Variants in GPC5 observed in about 807,000 individuals in gnomAD.
GPC5 encodes glypican 5.
A neutral mutation model predicts 53.9 loss-of-function variants in GPC5; 47 were observed. The observed-to-expected ratio is 0.87, with a 90% confidence interval of 0.69 to 1.11. GPC5 has a LOEUF of 1.11. Among genes scored for constraint, GPC5 ranks in the 50% most tolerant of loss-of-function variants. The pLI is 0.00. For missense variants in GPC5, 748 were observed against 713.1 expected (o/e 1.05, Z -0.56); for synonymous variants, 286 against 263.3 (o/e 1.09, Z -0.84).
chr13:92,739,013 T>C (rs781300584), intron 7 of GPC5, among the ~76,000 whole-genome samples: 5 of 152,124 alleles, frequency 3.3e-5, no homozygotes, highest in South Asian at 4.1e-4. Flanking sequence ...ATGAATATTA[T>C]ATGAATTAAG....
intron 7 of GPC5, among the ~76,000 whole-genome samples, chr13:92,853,152 A>G (rs9516134): frequency 0.2 from 30,170 of 152,148 alleles, 3,680 homozygotes; most frequent in Non-Finnish European, 0.28. Flanking sequence ...AACTTTAAAC[A>G]GAGACTCTAC....
intron 6 of GPC5, among the ~76,000 whole-genome samples, chr13:92,067,956 T>G (rs2041180168): frequency 1.3e-5 from 2 of 151,952 alleles, no homozygotes; most frequent in Admixed American, 1.3e-4. Context: ...TGATTGCAAC[T>G]CTAAAAATAA....
intron 7 of GPC5, among the ~76,000 whole-genome samples, chr13:92,257,282 C>T (rs1224637919): frequency 6.6e-6 from 1 of 151,842 alleles, no homozygotes; most frequent in Admixed American, 6.6e-5. Context: ...TCAAACAAAG[C>T]AAAATAGATT....
chr13:91,506,711 AT>A (rs1203938986), intron 2 of GPC5, among the ~76,000 whole-genome samples: 1 of 106,870 alleles, frequency 9.4e-6, no homozygotes, highest in South Asian at 2.9e-4. Context: ...TGAATAAAAT[AT>A]TTTTAAACAT....
intron 6 of GPC5, among the ~76,000 whole-genome samples, chr13:91,997,144 A>G (rs1212622266): frequency 2.6e-5 from 4 of 152,148 alleles, no homozygotes; most frequent in Non-Finnish European, 5.9e-5. Context: ...GAATTTTTTT[A>G]AAGTAATGGT....
At chr13:91,423,998 G>A (rs972342828) in intron 1 of GPC5, among the ~76,000 whole-genome samples, 1 of 152,188 alleles carries the variant, frequency 6.6e-6, no homozygotes, top group African/African-American at 2.4e-5. Flanking sequence ...GGAATAAAGT[G>A]ACCAGTGACA....
intron 7 of GPC5, among the ~76,000 whole-genome samples, chr13:92,387,286 A>G (rs1013692883): frequency 6.6e-6 from 1 of 151,952 alleles, no homozygotes; most frequent in Non-Finnish European, 1.5e-5. Context: ...ATTTCCCCCA[A>G]CTGTAGGGTA....
At chr13:91,737,685 T>C (rs1434929062) in intron 4 of GPC5, among the ~76,000 whole-genome samples, 1 of 150,952 alleles carries the variant, frequency 6.6e-6, no homozygotes, top group Admixed American at 6.6e-5. Context: ...AATTTTGTTG[T>C]TTAAAATTAT....
chr13:92,624,511 A>G (rs1232080211), intron 7 of GPC5, among the ~76,000 whole-genome samples: 1 of 152,070 alleles, frequency 6.6e-6, no homozygotes, highest in East Asian at 1.9e-4. Context: ...ATATTCTGAG[A>G]TTTTACCCTT....
rs1883252208 is a variant in GPC5 at position 91,480,703 on chromosome 13, A to G, written c.325+31781A>G. On this transcript the variant is annotated intron_variant, in intron 2 of 7. Transcript: ENST00000377067. ...TAGCTTGGACACACCTTATTTCTAA[A>G]GAGCCTGAGCCCTTGATGGTTATAC... 2.0e-5 allele frequency among the ~76,000 whole-genome samples: 3 copies of G among 152,204 alleles called. No homozygotes were observed. In the South Asian group the frequency reaches 6.2e-4, roughly 32 times the overall value.
chr13:91,620,402 A>G (rs1381556686), intron 2 of GPC5, among the ~76,000 whole-genome samples: 1 of 152,128 alleles, frequency 6.6e-6, no homozygotes, highest in Non-Finnish European at 1.5e-5. Context: ...ATGTTAATGT[A>G]AATGTCATGT....
intron 7 of GPC5, among the ~76,000 whole-genome samples, chr13:92,484,302 G>C (rs7336356): frequency 0.018 from 2,793 of 152,230 alleles, 92 homozygotes; most frequent in African/African-American, 0.064. Flanking sequence ...ACTTCTGAAG[G>C]ATCTGTCTGA....
At chr13:91,640,770 G>A (rs925198266) in intron 2 of GPC5, among the ~76,000 whole-genome samples, 8 of 151,200 alleles carry the variant, frequency 5.3e-5, no homozygotes, top group Admixed American at 4.6e-4. Context: ...CTGCACTCCA[G>A]CCTGGGTGAC....
chr13:92,206,238 T>C lies in GPC5; in HGVS notation c.1561+61249T>C, dbSNP rs530678689. 4.1e-5 allele frequency among the ~76,000 whole-genome samples: 6 copies of C among 147,384 alleles called. No homozygotes were observed. In the East Asian group the frequency reaches 1.3e-3, roughly 31 times the overall value. Reference sequence around the variant, plus strand: ...TGGAGTGTAGTGGCGCAATCTCGGCTCACTGCAAGCTCCGCCTCCCGGGTC... The same window carrying C: ...TGGAGTGTAGTGGCGCAATCTCGGCCCACTGCAAGCTCCGCCTCCCGGGTC... On this transcript the variant is annotated intron_variant, in intron 7 of 7. Coordinates refer to ENST00000377067, the MANE Select transcript of GPC5 (RefSeq NM_004466.6).
At chr13:92,031,707 TATATTACATATATGTAATATATTAC>T (rs1566403062) in intron 6 of GPC5, among the ~76,000 whole-genome samples, 4 of 69,434 alleles carry the variant, frequency 5.8e-5, no homozygotes, top group Admixed American at 2.6e-4. Flanking sequence ...ATATATTATA[TATATTACATATATGTAATATATTAC>T]ATATTATATA....
At chr13:91,805,048 A>T (rs2038197838) in intron 5 of GPC5, among the ~76,000 whole-genome samples, 1 of 152,230 alleles carries the variant, frequency 6.6e-6, no homozygotes, top group Admixed American at 6.5e-5. Flanking sequence ...ACATGGCAGA[A>T]CATAACCTTC....
intron 7 of GPC5, among the ~76,000 whole-genome samples, chr13:92,145,964 C>T (rs567062514): frequency 6.6e-6 from 1 of 152,154 alleles, no homozygotes; most frequent in African/African-American, 2.4e-5. Flanking sequence ...AAATCAATTC[C>T]TCATTCCTTC....
At chr13:92,672,586 T>G (rs1886788289) in intron 7 of GPC5, among the ~76,000 whole-genome samples, 1 of 152,186 alleles carries the variant, frequency 6.6e-6, no homozygotes, top group Non-Finnish European at 1.5e-5. Flanking sequence ...TGCATGCATA[T>G]GCTCACTGCA....
At chr13:92,528,149 G>A (rs1005263481) in intron 7 of GPC5, among the ~76,000 whole-genome samples, 5 of 152,042 alleles carry the variant, frequency 3.3e-5, no homozygotes, top group Admixed American at 2.6e-4. Context: ...GCTCAATAGT[G>A]CCAATTTTGA....
Sources: gnomAD v4.1 joint callset for allele counts (sites outside exome capture counted in the v4.1 genomes callset) on GRCh38, gnomAD v4.1.1 for gene constraint, MANE v1.5 for transcripts, NCBI Gene and HGNC (gene_info 2026-07-23, HGNC 2026-07-21) for gene names.